Variants in RPGRIP1L observed in about 807,000 individuals in gnomAD.
RPGRIP1L encodes the protein protein fantom.
Under a neutral mutation model 160.4 loss-of-function variants are expected in RPGRIP1L, and 131 were observed. That is an observed-to-expected ratio of 0.82 (90% CI 0.71 to 0.94). RPGRIP1L has a LOEUF of 0.94. Ranked by LOEUF, RPGRIP1L falls within the 40% of genes least tolerant of loss-of-function variation. The probability of loss-of-function intolerance (pLI) is 0.00; values close to 1 mark genes in which losing one functional copy is unlikely to be tolerated. For missense variants in RPGRIP1L, 1,522 were observed against 1,535.8 expected (o/e 0.99, Z 0.15); for synonymous variants, 510 against 515.8 (o/e 0.99, Z 0.15).
In RPGRIP1L at chr16:53,600,772, G is replaced by C. The variant is rs1049705712; in HGVS notation, c.*1304C>G. On this transcript the variant is annotated 3_prime_UTR_variant, in exon 27 of 27. Transcript: ENST00000647211. ...TTGAATGTTCACAAATAGGAGCAAAGAACTCATTTTCCAGAGCTTTAATCA... is the reference window on the plus strand; with the variant it reads ...TTGAATGTTCACAAATAGGAGCAAACAACTCATTTTCCAGAGCTTTAATCA... 1 of 152,394 alleles carries C rather than the reference G, an allele frequency of 6.6e-6. No homozygotes were observed. The highest frequency in any genetic ancestry group is 1.5e-5 in the Non-Finnish European group (1 of 68,010). The allele number at this position is 152,394 out of a possible 1,614,324, so 9.4% of individuals were successfully genotyped here. A position where few individuals can be genotyped will look rare whatever the true frequency, so the allele number is the denominator to read the frequency against.
rs904916335 is a variant in RPGRIP1L at position 53,600,373 on chromosome 16, T to G, written c.*1703A>C. 6.6e-6 allele frequency: 1 copy of G among 152,628 alleles called. No individual in the cohort carries two copies. The highest frequency in any genetic ancestry group is 1.5e-5 in the Non-Finnish European group (1 of 68,038). The allele number at this position is 152,628 out of a possible 1,614,324, so 9.5% of individuals were successfully genotyped here. ...CTGGAGAGGTTTAGTCTGCAGATGT[T>G]TGTGGTCTCCAGAAGGTTCCAGAGG... On this transcript the variant is annotated 3_prime_UTR_variant, in exon 27 of 27. Coordinates refer to ENST00000647211, the MANE Select transcript of RPGRIP1L (RefSeq NM_015272.5).
intron 2 of RPGRIP1L, among the ~76,000 whole-genome samples, chr16:53,698,685 G>C (rs1256793580): frequency 7.3e-6 from 1 of 137,302 alleles, no homozygotes. Context: ...TCAGCCCCCC[G>C]CCCGGCCAGC....
Position 53,641,344 on chromosome 16 carries a change from C to A in RPGRIP1L, c.2815G>T (p.Glu939Ter). 1 of 1,614,064 alleles carries A rather than the reference C, an allele frequency of 6.2e-7. No homozygotes were observed. The highest frequency in any genetic ancestry group is 1.1e-5 in the South Asian group (1 of 91,078). ...AGTCTTTGAACAACTTCTGGCTCTT[C>A]GCTGCGAATGAAATTTCCTAAGTCT... ...TEDLGNFIRS[E>*]EPEVVQRLPP... Residue 939 changes from glutamate to a stop codon, truncating the protein, a stop_gained, in exon 18 of 27, where the codon GAA becomes TAA. Coordinates refer to ENST00000647211, the MANE Select transcript of RPGRIP1L (RefSeq NM_015272.5). LOFTEE classifies it high-confidence loss of function.
At position 53,675,108 on chromosome 16, in the gene RPGRIP1L, T is replaced by C. The variant is rs375590429; in HGVS notation, c.791A>G (p.Asp264Gly). ...ATGAAGCTTAATCATTTCTACATTGTCCCGAATATTTGACCTTCAGAGTTG... is the reference window on the plus strand; with the variant it reads ...ATGAAGCTTAATCATTTCTACATTGCCCCGAATATTTGACCTTCAGAGTTG... ...QATDQRSNIR[D>G]NVEMIKLHKQ... is the part of the protein sequence containing the mutation. The change falls in exon 7 of 27, where the codon GAC becomes GGC. Residue 264 changes from aspartate to glycine, a missense_variant. Transcript: ENST00000647211. 5 of 1,609,794 alleles carry C rather than the reference T, an allele frequency of 3.1e-6. No homozygotes were observed. The highest frequency in any genetic ancestry group is 4.2e-6 in the Non-Finnish European group (5 of 1,177,506).
intron 2 of RPGRIP1L, among the ~76,000 whole-genome samples, chr16:53,697,148 A>T (rs1390834972): frequency 1.3e-5 from 2 of 152,040 alleles, no homozygotes; most frequent in Non-Finnish European, 2.9e-5. Context: ...AGATTGTGCC[A>T]CTGCACTCCA....
Position 53,645,888 on chromosome 16 carries a change from CTTGCTCGGGACTGCAGGTGG to C in RPGRIP1L, c.2400_2419del (p.Asn800LysfsTer15). ...AACATATGGGTGTGGCTGCAGGTGG[CTTGCTCGGGACTGCAGGTGG>C]TTGCAACATCTTATTGTAATGTGAA... is the stretch of plus-strand genomic sequence containing the variant. On this transcript the variant is annotated frameshift_variant, in exon 17 of 27. Transcript: ENST00000647211. LOFTEE classifies it high-confidence loss of function. The C allele has an allele frequency of 6.2e-7, 1 of 1,614,086 alleles. No individual in the cohort carries two copies. The highest frequency in any genetic ancestry group is 1.1e-5 in the South Asian group (1 of 91,070).
chr16:53,606,183 A>T (rs904882498), intron 25 of RPGRIP1L, among the ~76,000 whole-genome samples: 2 of 152,224 alleles, frequency 1.3e-5, no homozygotes, highest in Non-Finnish European at 2.9e-5. Context: ...TTACTTGAGC[A>T]ATCTTTAACT....
chr16:53,642,134 AT>A (rs1302228794), intron 17 of RPGRIP1L, among the ~76,000 whole-genome samples: 1 of 151,964 alleles, frequency 6.6e-6, no homozygotes, highest in Non-Finnish European at 1.5e-5. Context: ...GTTGCACTGG[AT>A]TTTTGGGTAT....
At chr16:53,638,056 T>C (rs1290431772) in intron 20 of RPGRIP1L, among the ~76,000 whole-genome samples, 1 of 152,136 alleles carries the variant, frequency 6.6e-6, no homozygotes, top group Non-Finnish European at 1.5e-5. Context: ...GAATATGTAC[T>C]AAGAATAAAA....
At chr16:53,648,606 ACG>A (rs201823531) in intron 16 of RPGRIP1L, among the ~76,000 whole-genome samples, 2 of 125,112 alleles carry the variant, frequency 1.6e-5, no homozygotes, top group Non-Finnish European at 3.3e-5. Context: ...ACATATACGT[ACG>A]CGCGTGCGCG....
intron 10 of RPGRIP1L, among the ~76,000 whole-genome samples, chr16:53,663,093 A>C (rs1044649547): frequency 3.3e-5 from 5 of 151,982 alleles, no homozygotes; most frequent in Non-Finnish European, 7.4e-5. Flanking sequence ...AAATATTAGC[A>C]GTGATTATTT....
intron 17 of RPGRIP1L, among the ~76,000 whole-genome samples, chr16:53,643,403 C>T (rs1384737765): frequency 6.6e-6 from 1 of 151,802 alleles, no homozygotes; most frequent in Non-Finnish European, 1.5e-5. Flanking sequence ...TGTGTAAATG[C>T]TCAGGAGAAA....
intron 23 of RPGRIP1L, among the ~76,000 whole-genome samples, chr16:53,620,297 C>T (rs897320740): frequency 6.6e-6 from 1 of 152,152 alleles, no homozygotes; most frequent in East Asian, 1.9e-4. Flanking sequence ...ATTTCCATTG[C>T]TGTCAAACCC....
At chr16:53,628,573 C>T (rs1267640238) in intron 22 of RPGRIP1L, 1 of 152,088 alleles carries the variant, frequency 6.6e-6, no homozygotes, top group African/African-American at 2.4e-5. Context: ...AACTGTTTAA[C>T]TGTTTATTTT....
At chr16:53,629,466 G>A (rs191667006) in intron 22 of RPGRIP1L, among the ~76,000 whole-genome samples, 5 of 152,046 alleles carry the variant, frequency 3.3e-5, no homozygotes, top group Admixed American at 2.6e-4. Context: ...TGAACTCTGG[G>A]GATCACACTT....
In RPGRIP1L at chr16:53,700,471, GTAGTAAAATACCA is replaced by G. The variant is rs1182856345; in HGVS notation, c.85+155_85+167del. On this transcript the variant is annotated intron_variant, in intron 2 of 26. Transcript: ENST00000647211. ...TATGAGCTGTTGATAACTGATGCATGTAGTAAAATACCATATGTGTTCTAAACTCTCCATCTTT... is the reference window on the plus strand; with the variant it reads ...TATGAGCTGTTGATAACTGATGCATGTATGTGTTCTAAACTCTCCATCTTT... Among the ~76,000 whole-genome samples, 7 of 152,324 alleles carry G rather than the reference GTAGTAAAATACCA, an allele frequency of 4.6e-5. No homozygotes were observed. The East Asian group carries it at 1.3e-3, about 29-fold the overall frequency.
At chr16:53,652,418 T>G in intron 15 of RPGRIP1L, 117 bp downstream of exon 15, 1 of 801,776 alleles carries the variant, frequency 1.2e-6, no homozygotes, top group Non-Finnish European at 2.1e-6. Flanking sequence ...TAAAGAATGT[T>G]GTCCTTGCTC....
chr16:53,649,135 C>T lies in RPGRIP1L; in HGVS notation c.2153-20G>A, dbSNP rs773120112. On this transcript the variant is annotated intron_variant, in intron 15 of 26. Coordinates refer to ENST00000647211, the MANE Select transcript of RPGRIP1L (RefSeq NM_015272.5). ...TTGTTCCTACAAATCAGTACATAACCCAAGGTTAAAATAGTTTCATACATT... is the reference window on the plus strand; with the variant it reads ...TTGTTCCTACAAATCAGTACATAACTCAAGGTTAAAATAGTTTCATACATT... 2.5e-6 allele frequency: 4 copies of T among 1,610,852 alleles called. No individual in the cohort carries two copies. In the Admixed American group the frequency reaches 6.7e-5, roughly 27 times the overall value.
At chr16:53,618,898 T>A (rs555553133) in intron 24 of RPGRIP1L, 127 bp downstream of exon 24, 1 of 865,432 alleles carries the variant, frequency 1.2e-6, no homozygotes, top group African/African-American at 1.7e-5. Context: ...TATTAATCAA[T>A]TCTGACAAGA....
Sources: allele counts gnomAD v4.1 joint callset (sites outside exome capture counted in the v4.1 genomes callset), GRCh38; gene constraint gnomAD v4.1.1; transcripts MANE v1.5; gene names NCBI Gene and HGNC (gene_info 2026-07-23, HGNC 2026-07-21).